The following GAREM2 variants were observed in gnomAD, a reference collection of about 807,000 sequenced individuals.
GAREM2 encodes the protein GRB2-associated and regulator of MAPK protein 2.
GAREM2 carries 30 observed loss-of-function variants against 55.6 expected under a neutral mutation model. The observed-to-expected ratio is 0.54, with a 90% CI of 0.40 to 0.73. GAREM2 has a LOEUF of 0.73. Ranked by LOEUF, GAREM2 falls within the 30% of genes least tolerant of loss-of-function variation. The pLI is 0.00. For synonymous variants in GAREM2, 550 were observed against 569.1 expected (o/e 0.97, Z 0.48); for missense variants, 1,075 against 1,257.7 (o/e 0.85, Z 2.20).
chr2:26,187,207 G>A (rs527902113), intron 5 of GAREM2, 24 bp from the exon 6 acceptor site: 52 of 1,439,948 alleles, frequency 3.6e-5, no homozygotes, highest in African/African-American at 1.7e-4. Flanking sequence ...TGTCCTATGT[G>A]TGTGTGTCTG....
chr2:26,177,771 T>C (rs539669277), intron 2 of GAREM2, among the ~76,000 whole-genome samples: 1 of 152,222 alleles, frequency 6.6e-6, no homozygotes, highest in Non-Finnish European at 1.5e-5. Context: ...GGATTACAGG[T>C]GCCTGCCACC....
At chr2:26,180,108 C>G (rs1240011077) in intron 2 of GAREM2, among the ~76,000 whole-genome samples, 1 of 152,096 alleles carries the variant, frequency 6.6e-6, no homozygotes, top group East Asian at 1.9e-4. Context: ...AGGAGGGTCC[C>G]AGGGCGGGGA....
At chr2:26,197,712 A>T in the GAREM2 span, 1 of 1,514,256 alleles carries the variant, frequency 6.6e-7, no homozygotes, top group Non-Finnish European at 9.2e-7. Context: ...TTTTGCTGAC[A>T]GCAGCGATTT....
rs1669145882 is a variant in GAREM2, at chr2:26,184,270, A to T, written c.422A>T (p.Tyr141Phe). 6.4e-7 allele frequency: 1 copy of T among 1,550,886 alleles called. No homozygotes were observed. Among genetic ancestry groups the T allele is most frequent in the Non-Finnish European group, 8.7e-7 (1 of 1,146,766 alleles). Residue 141 changes from tyrosine to phenylalanine, a missense_variant, in exon 4 of 6, where the codon TAC becomes TTC. Tyr to Phe is a conservative substitution (Grantham distance 22, BLOSUM62 3). This residue lies in a region of GAREM2 where 230 missense variants were observed against 310.6 expected (regional missense o/e 0.74). Coordinates refer to ENST00000401533, the MANE Select transcript of GAREM2 (RefSeq NM_001168241.2). ...SGEFSEDSEV[Y>F]NFTLHAGDEL... ...GAGTTCAGCGAGGACAGCGAGGTGT[A>T]CAACTTCACGCTGCATGCGGGCGAC...
chr2:26,191,569 AT>A (rs1553311706), downstream of GAREM2: 1 of 1,613,976 alleles, frequency 6.2e-7, no homozygotes, highest in Middle Eastern at 1.7e-4. Flanking sequence ...TTGCAGGCAC[AT>A]GACTGCCTCA....
At chr2:26,195,118 G>C in the GAREM2 span, 1 of 1,613,268 alleles carries the variant, frequency 6.2e-7, no homozygotes, top group Non-Finnish European at 8.5e-7. Context: ...ACCTTCCCCT[G>C]CTTGAGACCA....
intron 1 of GAREM2, among the ~76,000 whole-genome samples, chr2:26,174,034 T>TGG (rs1406168149): frequency 2.7e-5 from 2 of 73,876 alleles, no homozygotes; most frequent in Non-Finnish European, 6.0e-5. Context: ...GGGGACCGTT[T>TGG]GGGGGGAGGG....
rs1006948849 is a variant in GAREM2, at chr2:26,189,248, C to G, written c.*991C>G. The G allele has an allele frequency of 6.6e-6, 1 of 152,328 alleles. No homozygotes were observed. Among genetic ancestry groups the G allele is most frequent in the East Asian group, 1.9e-4 (1 of 5,172 alleles). The allele number at this position is 152,328 out of a possible 1,614,324, so 9.4% of individuals were successfully genotyped here. ...GAGAGTGCGTTCCTGGAGCTCAGTC[C>G]TGCATTTGTTCACGTGCCTCACAGC... On this transcript the variant is annotated 3_prime_UTR_variant, in exon 6 of 6. Coordinates refer to ENST00000401533, the MANE Select transcript of GAREM2 (RefSeq NM_001168241.2).
chr2:26,202,953 G>A, the GAREM2 span, among the ~76,000 whole-genome samples: 1 of 152,242 alleles, frequency 6.6e-6, no homozygotes, highest in East Asian at 1.9e-4. Context: ...GCCAGAACCT[G>A]ATGTTTCTAA....
chr2:26,185,490 C>A (rs966247459), intron 4 of GAREM2, among the ~76,000 whole-genome samples: 1 of 152,118 alleles, frequency 6.6e-6, no homozygotes, highest in African/African-American at 2.4e-5. Context: ...GACAGAGATG[C>A]GTGTAGGTCC....
Position 26,184,253 on chromosome 2 carries a change from C to G in GAREM2, c.405C>G (p.Ser135Arg). Reference sequence around the variant, plus strand: ...CCCAGGTGGTGTCGGGCGAGTTCAGCGAGGACAGCGAGGTGTACAACTTCA... The same window carrying G: ...CCCAGGTGGTGTCGGGCGAGTTCAGGGAGGACAGCGAGGTGTACAACTTCA... ...FSVKVVSGEF[S>R]EDSEVYNFTL... Residue 135 changes from serine (S) to arginine (R), a missense_variant, in exon 4 of 6, where the codon AGC (serine) becomes AGG (arginine). Physicochemically the swap from Ser to Arg is moderately radical, Grantham distance 110. This residue lies in a region of GAREM2 where 230 missense variants were observed against 310.6 expected (regional missense o/e 0.74). Coordinates refer to ENST00000401533, the MANE Select transcript of GAREM2 (RefSeq NM_001168241.2). 1.3e-6 allele frequency: 2 copies of G among 1,550,410 alleles called. No individual in the cohort carries two copies. Among genetic ancestry groups the G allele is most frequent in the Non-Finnish European group, 1.7e-6 (2 of 1,146,346 alleles).
At position 26,187,989 on chromosome 2, in the gene GAREM2, G is replaced by C; in HGVS notation, c.2357G>C (p.Arg786Pro). 1.4e-6 allele frequency: 2 copies of C among 1,469,298 alleles called. No individual in the cohort carries two copies. The highest frequency in any genetic ancestry group is 5.1e-5 in the East Asian group (2 of 38,868). 91.0% of individuals were successfully genotyped at this position (1,469,298 alleles called of 1,614,324 possible). The stretch of plus-strand genomic sequence containing the variant: ...CTGGAAGGGCCTCCTGCCAGTCCCC[G>C]GGATGGAGCCACAGGCTTTGGAGTC... ...GRLEGPPASPRDGATGFGVRD... is the reference protein window; with the variant it reads ...GRLEGPPASPPDGATGFGVRD... Residue 786 changes from arginine (R) to proline (P), a missense_variant, in exon 6 of 6, where the codon CGG (arginine) becomes CCG (proline). By Grantham distance (103) the Arg-to-Pro change is moderately radical (BLOSUM62 -2). Coordinates refer to ENST00000401533, the MANE Select transcript of GAREM2 (RefSeq NM_001168241.2).
intron 1 of GAREM2, among the ~76,000 whole-genome samples, chr2:26,175,686 G>A (rs1205979909): frequency 6.6e-6 from 1 of 152,180 alleles, no homozygotes; most frequent in Non-Finnish European, 1.5e-5. Flanking sequence ...CTGCCCTTGG[G>A]AGAGGCAGTA....
the GAREM2 span, among the ~76,000 whole-genome samples, chr2:26,202,090 CGCCCAGCCTGTGG>C: frequency 6.6e-6 from 1 of 152,032 alleles, no homozygotes; most frequent in South Asian, 2.1e-4. Flanking sequence ...TGAGCCACCG[CGCCCAGCCTGTGG>C]TTGTAATCTT....
downstream of GAREM2, chr2:26,191,706 G>A: frequency 1.4e-6 from 2 of 1,443,082 alleles, no homozygotes; most frequent in East Asian, 4.5e-5. Flanking sequence ...CAGAATGGAA[G>A]TCGGGATGGG....
intron 5 of GAREM2, 26 bp from the exon 6 acceptor site, chr2:26,187,205 G>A: frequency 7.0e-7 from 1 of 1,433,364 alleles, no homozygotes; most frequent in Non-Finnish European, 9.2e-7. Context: ...CCTGTCCTAT[G>A]TGTGTGTGTC....
intron 2 of GAREM2, chr2:26,182,588 C>T (rs1669087614): frequency 4.1e-6 from 5 of 1,232,340 alleles, no homozygotes; most frequent in Non-Finnish European, 5.8e-6. Flanking sequence ...AGAGGTCAGG[C>T]TGGGACAGAG....
intron 3 of GAREM2, 100 bp from the exon 4 acceptor site, chr2:26,184,133 G>A (rs1247385819): frequency 3.4e-6 from 5 of 1,489,196 alleles, no homozygotes; most frequent in Non-Finnish European, 3.6e-6. Flanking sequence ...CCGGGAGGGC[G>A]GAAGAGGAAG....
In GAREM2 at chr2:26,184,198, T is replaced by C. The variant is rs1029724717; in HGVS notation, c.385-35T>C. The C allele has an allele frequency of 3.2e-6, 5 of 1,543,780 alleles. No individual in the cohort carries two copies. The African/African-American group carries it at 6.9e-5, about 21-fold the overall frequency. ...TGGCCGTGTGGCTTTCCCTGGGACC[T>C]GGCTAAGGCCCTGCCCTGTCTCTGG... On this transcript the variant is annotated intron_variant, in intron 3 of 5. Coordinates refer to ENST00000401533, the MANE Select transcript of GAREM2 (RefSeq NM_001168241.2).
Sources: gnomAD v4.1 joint callset for allele counts (sites outside exome capture counted in the v4.1 genomes callset) on GRCh38, gnomAD v4.1.1 for gene constraint, gnomAD v4.1.1 regional missense constraint, MANE v1.5 for transcripts, NCBI Gene and HGNC (gene_info 2026-07-23, HGNC 2026-07-21) for gene names.